Variants in DNAJC6 observed in about 807,000 individuals in gnomAD.
DNAJC6 encodes the protein DnaJ heat shock protein family (Hsp40) member C6.
A neutral mutation model predicts 110.0 loss-of-function variants in DNAJC6; 34 were observed. That is an observed-to-expected ratio of 0.31 (90% CI 0.24 to 0.41). DNAJC6 has a LOEUF of 0.41. Ranked by LOEUF, DNAJC6 falls within the 10% of genes least tolerant of loss-of-function variation. The pLI is 1.00. For synonymous variants in DNAJC6, 406 were observed against 437.2 expected, an observed-to-expected ratio of 0.93 and a Z score of 0.89; for missense variants, 1,031 against 1,207.8, an observed-to-expected ratio of 0.85 and a Z score of 2.17.
At chr1:65,339,057 G>A (rs1193315948) in intron 1 of DNAJC6, among the ~76,000 whole-genome samples, 1 of 152,146 alleles carries the variant, frequency 6.6e-6, no homozygotes, top group Non-Finnish European at 1.5e-5. Context: ...TAGACTGTGA[G>A]CAGCTTGATG....
intron 1 of DNAJC6, among the ~76,000 whole-genome samples, chr1:65,268,502 A>G (rs1307342121): frequency 6.6e-6 from 1 of 152,202 alleles, no homozygotes; most frequent in Admixed American, 6.5e-5. Context: ...GAGGTGCTTT[A>G]CATATTGTCA....
chr1:65,394,767 G>T (rs952796526), intron 12 of DNAJC6, 131 bp from the exon 13 acceptor site: 2 of 1,089,286 alleles, frequency 1.8e-6, no homozygotes, highest in African/African-American at 1.6e-5. Flanking sequence ...GGTAAGTCCA[G>T]ACTACTCCTT....
rs1645629975 is a variant in DNAJC6, at chr1:65,364,757, T to C, written c.316T>C (p.Ser106Pro). 6.2e-7 allele frequency: 1 copy of C among 1,613,056 alleles called. No homozygotes were observed. The highest frequency in any genetic ancestry group is 8.5e-7 in the Non-Finnish European group (1 of 1,179,360). ...CTTGAAAGACACCCTCAAAGACACATCTTCTAGAGTGATACAATCTGTGAC... is the reference window on the plus strand; with the variant it reads ...CTTGAAAGACACCCTCAAAGACACACCTTCTAGAGTGATACAATCTGTGAC... The part of the protein sequence containing the change: ...DNLKDTLKDT[S>P]SRVIQSVTSY... Residue 106 changes from serine to proline, a missense_variant, in exon 2 of 19, where the codon TCT (serine) becomes CCT (proline). Ser to Pro is a moderately conservative substitution (Grantham distance 74). Transcript: ENST00000371069.
Position 65,415,303 on chromosome 1 carries a change from A to G in DNAJC6, c.*2278A>G, listed in dbSNP as rs906160597. On this transcript the variant is annotated 3_prime_UTR_variant, in exon 19 of 19. Coordinates refer to ENST00000371069, the MANE Select transcript of DNAJC6 (RefSeq NM_001256864.2). ...TTGTATAAATCTAAGTTATTTGGGT[A>G]CTTGTAGGAATACAATGAGGAGCTT... 10 of 152,222 alleles carry G rather than the reference A, an allele frequency of 6.6e-5. No homozygotes were observed. Among genetic ancestry groups the G allele is most frequent in the Non-Finnish European group, 1.2e-4 (8 of 68,034 alleles). 9.4% of individuals were successfully genotyped at this position (152,222 alleles called of 1,614,324 possible). A position where few individuals can be genotyped will look rare whatever the true frequency, so the allele number is the denominator to read the frequency against.
chr1:65,384,230 TG>T lies in DNAJC6; in HGVS notation c.705del (p.Met235IlefsTer97). On this transcript the variant is annotated frameshift_variant, in exon 6 of 19. Transcript: ENST00000371069. LOFTEE classifies it high-confidence loss of function. ...RAASSILVGA[M>X]FIFCNLYSTP... ...GCATCATCAATTCTGGTTGGTGCTA[TG>T]TTCATTTTCTGTAATCTCTACTCTA... 1 of 1,576,042 alleles carries T rather than the reference TG, an allele frequency of 6.3e-7. No individual in the cohort carries two copies. The highest frequency in any genetic ancestry group is 8.6e-7 in the Non-Finnish European group (1 of 1,163,822).
At chr1:65,397,619 G>A (rs9436287) in intron 13 of DNAJC6, among the ~76,000 whole-genome samples, 67,558 of 151,898 alleles carry the variant, frequency 0.44, 15,755 homozygotes, top group Middle Eastern at 0.58. Context: ...ATTAGCAACA[G>A]GGTTGAAGTT....
chr1:65,325,137 G>T (rs1343188956), intron 1 of DNAJC6, among the ~76,000 whole-genome samples: 1 of 152,152 alleles, frequency 6.6e-6, no homozygotes, highest in African/African-American at 2.4e-5. Context: ...TTTGGCTAGG[G>T]CTATCACCTG....
chr1:65,307,024 A>C (rs1051400162), upstream of DNAJC6, among the ~76,000 whole-genome samples: 808 of 132,118 alleles, frequency 6.1e-3, 4 homozygotes, highest in Non-Finnish European at 8.9e-3. Flanking sequence ...CTCTCTATAT[A>C]TATATATATA....
intron 1 of DNAJC6, among the ~76,000 whole-genome samples, chr1:65,311,776 T>C (rs950549959): frequency 6.6e-6 from 1 of 152,144 alleles, no homozygotes; most frequent in Admixed American, 6.5e-5. Context: ...AAATATGAAA[T>C]ACATATGTTT....
chr1:65,286,357 C>T (rs943284887), intron 1 of DNAJC6, among the ~76,000 whole-genome samples: 1 of 152,004 alleles, frequency 6.6e-6, no homozygotes, highest in Non-Finnish European at 1.5e-5. Flanking sequence ...ATCCATCCTC[C>T]CACCTCAGCC....
chr1:65,348,232 T>G (rs996013209), intron 1 of DNAJC6, among the ~76,000 whole-genome samples: 3 of 152,226 alleles, frequency 2.0e-5, no homozygotes, highest in African/African-American at 7.2e-5. Context: ...TTGAAATTTG[T>G]CGATAATTAT....
intron 17 of DNAJC6, among the ~76,000 whole-genome samples, chr1:65,411,021 A>G (rs1646123643): frequency 6.6e-6 from 1 of 152,208 alleles, no homozygotes; most frequent in Admixed American, 6.5e-5. Flanking sequence ...AAAGTCTAAC[A>G]GTGTGAAATT....
intron 4 of DNAJC6, among the ~76,000 whole-genome samples, chr1:65,366,977 C>T (rs1168101228): frequency 2.6e-5 from 4 of 152,170 alleles, no homozygotes; most frequent in African/African-American, 7.2e-5. Flanking sequence ...TGCTGGAACA[C>T]ACTTCGTTCC....
intron 11 of DNAJC6, among the ~76,000 whole-genome samples, chr1:65,391,774 A>C (rs4575118): frequency 0.49 from 73,685 of 151,922 alleles, 18,314 homozygotes; most frequent in Middle Eastern, 0.64. Context: ...GTAGCCTGTG[A>C]GTTAGGTACT....
chr1:65,407,009 A>C (rs572989938), intron 16 of DNAJC6, among the ~76,000 whole-genome samples: 119 of 152,094 alleles, frequency 7.8e-4, no homozygotes, highest in African/African-American at 2.9e-3. Context: ...ATCCCCCTTT[A>C]TTTGTGGTTT....
At chr1:65,322,220 C>A (rs911948653) in intron 1 of DNAJC6, among the ~76,000 whole-genome samples, 6 of 151,892 alleles carry the variant, frequency 4.0e-5, no homozygotes, top group African/African-American at 1.5e-4. Context: ...TAAAAATTAA[C>A]CCCCCCAAAC....
intron 13 of DNAJC6, among the ~76,000 whole-genome samples, chr1:65,395,660 A>G (rs568506413): frequency 2.0e-5 from 3 of 152,212 alleles, no homozygotes; most frequent in Non-Finnish European, 2.9e-5. Flanking sequence ...AACATAATAT[A>G]TTGAACATAC....
chr1:65,383,632 C>T (rs1645843542), intron 5 of DNAJC6, among the ~76,000 whole-genome samples: 1 of 152,180 alleles, frequency 6.6e-6, no homozygotes, highest in Non-Finnish European at 1.5e-5. Flanking sequence ...ACCTCATTAC[C>T]TCCCCAAAGC....
chr1:65,302,494 C>G (rs1303003671), intron 1 of DNAJC6, among the ~76,000 whole-genome samples: 2 of 148,180 alleles, frequency 1.3e-5, no homozygotes, highest in Non-Finnish European at 3.0e-5. Context: ...GTTTGCCTCC[C>G]CCTTAACCCC....
Sources: gnomAD v4.1 joint callset for allele counts (sites outside exome capture counted in the v4.1 genomes callset) on GRCh38, gnomAD v4.1.1 for gene constraint, MANE v1.5 for transcripts, NCBI Gene and HGNC (gene_info 2026-07-23, HGNC 2026-07-21) for gene names.